Variants in TENM2 observed in about 807,000 individuals in gnomAD.
TENM2 encodes the protein teneurin-2.
In TENM2, 52 loss-of-function variants were observed where a neutral mutation model predicts 245.2. The ratio of observed to expected loss-of-function variants is 0.21; its 90% CI spans 0.17 to 0.27. TENM2 has a LOEUF of 0.27. TENM2 is among the 10% of genes least tolerant of loss of function. TENM2 has a pLI of 1.00. For missense variants in TENM2, 3,046 were observed against 3,666.8 expected (o/e 0.83, Z 4.37); for synonymous variants, 1,363 against 1,438.9 (o/e 0.95, Z 1.19).
intron 2 of TENM2, among the ~76,000 whole-genome samples, chr5:167,611,284 T>C (rs1371636251): frequency 6.6e-6 from 1 of 152,130 alleles, no homozygotes; most frequent in Non-Finnish European, 1.5e-5. Context: ...CTGCAATATA[T>C]AAAACAGATC....
At chr5:168,060,775 C>T (rs935567989) in intron 6 of TENM2, among the ~76,000 whole-genome samples, 3 of 152,098 alleles carry the variant, frequency 2.0e-5, no homozygotes, top group African/African-American at 7.2e-5. Context: ...ACATGAAAGA[C>T]CTTCAGAGAC....
At chr5:167,508,753 C>A (rs1426891421) in intron 2 of TENM2, among the ~76,000 whole-genome samples, 4 of 152,152 alleles carry the variant, frequency 2.6e-5, no homozygotes, top group Non-Finnish European at 5.9e-5. Flanking sequence ...GGTCTCATAA[C>A]CCTCTCCCTC....
At chr5:167,893,219 A>G (rs1421948248) in intron 3 of TENM2, among the ~76,000 whole-genome samples, 5 of 152,166 alleles carry the variant, frequency 3.3e-5, no homozygotes, top group Non-Finnish European at 5.9e-5. Context: ...TTCAGGCCAA[A>G]GAGTTGGTAG....
intron 2 of TENM2, among the ~76,000 whole-genome samples, chr5:167,833,079 G>A (rs1458562992): frequency 6.6e-6 from 1 of 152,098 alleles, no homozygotes; most frequent in Non-Finnish European, 1.5e-5. Context: ...TACCCTTTTA[G>A]TAGAAAGGTA....
At chr5:167,898,590 C>G (rs1329604753) in intron 3 of TENM2, among the ~76,000 whole-genome samples, 1 of 152,086 alleles carries the variant, frequency 6.6e-6, no homozygotes, top group Non-Finnish European at 1.5e-5. Context: ...CATATGGAAG[C>G]AAGTGTAAGA....
At chr5:167,807,124 T>TAAAAAAAAAAAAAAAAAAAAAAAAAAAAA (rs1178739925) in intron 2 of TENM2, among the ~76,000 whole-genome samples, 4 of 49,080 alleles carry the variant, frequency 8.1e-5, no homozygotes, top group African/African-American at 3.4e-4. Context: ...GCCCCTAGGT[T>TAAAAAAAAAAAAAAAAAAAAAAAAAAAAA]AAAAAAAAAA....
the TENM2 span, among the ~76,000 whole-genome samples, chr5:167,196,526 A>ATGTGTATATATATATG: frequency 7.2e-6 from 1 of 138,124 alleles, no homozygotes; most frequent in African/African-American, 3.4e-5. Context: ...GTATATATAT[A>ATGTGTATATATATATG]TGTGTGTGTA....
intron 7 of TENM2, among the ~76,000 whole-genome samples, chr5:168,063,142 T>G (rs1790192425): frequency 6.6e-6 from 1 of 152,178 alleles, no homozygotes; most frequent in Non-Finnish European, 1.5e-5. Context: ...ATTAATTTGT[T>G]AAAATATCAC....
At chr5:167,387,088 T>G (rs1761476320) in intron 2 of TENM2, among the ~76,000 whole-genome samples, 1 of 152,188 alleles carries the variant, frequency 6.6e-6, no homozygotes, top group Non-Finnish European at 1.5e-5. Flanking sequence ...ATTTGTAGAT[T>G]GCTTTCAGCA....
At chr5:167,463,086 G>A (rs1024965922) in intron 2 of TENM2, among the ~76,000 whole-genome samples, 12 of 152,214 alleles carry the variant, frequency 7.9e-5, no homozygotes, top group African/African-American at 2.9e-4. Flanking sequence ...TGTAAGTAGA[G>A]ATAAAAATGT....
chr5:167,319,470 A>T (rs528891672), intron 1 of TENM2, among the ~76,000 whole-genome samples: 3 of 152,186 alleles, frequency 2.0e-5, no homozygotes, highest in Admixed American at 6.6e-5. Context: ...ACATTTACCC[A>T]TACAACCTAG....
chr5:167,624,979 T>C (rs1273475085), intron 2 of TENM2, among the ~76,000 whole-genome samples: 1 of 152,198 alleles, frequency 6.6e-6, no homozygotes, highest in African/African-American at 2.4e-5. Flanking sequence ...CCACTTCCTC[T>C]TCTTTAATCA....
chr5:167,494,569 A>C (rs942127758), intron 2 of TENM2, among the ~76,000 whole-genome samples: 1 of 152,112 alleles, frequency 6.6e-6, no homozygotes, highest in Non-Finnish European at 1.5e-5. Flanking sequence ...GTCCAATGCA[A>C]GAAGATTAGT....
intron 2 of TENM2, chr5:167,728,844 A>G (rs906031340): frequency 2.6e-5 from 4 of 152,250 alleles, no homozygotes; most frequent in East Asian, 3.8e-4. Context: ...AGGAGATTCA[A>G]TCAAAATAAA....
chr5:168,212,781 A>T (rs1463982703), intron 20 of TENM2, among the ~76,000 whole-genome samples: 1 of 152,154 alleles, frequency 6.6e-6, no homozygotes, highest in Non-Finnish European at 1.5e-5. Flanking sequence ...CACCAACCTC[A>T]TGTGATCTTT....
At chr5:168,066,101 G>T (rs1195524319) in intron 7 of TENM2, among the ~76,000 whole-genome samples, 1 of 152,164 alleles carries the variant, frequency 6.6e-6, no homozygotes, top group African/African-American at 2.4e-5. Context: ...TAGTGCTGAG[G>T]TTAGAAAACT....
At chr5:167,767,246 A>G (rs1763092866) in intron 2 of TENM2, among the ~76,000 whole-genome samples, 2 of 152,252 alleles carry the variant, frequency 1.3e-5, no homozygotes, top group African/African-American at 2.4e-5. Flanking sequence ...GACACATACT[A>G]CAACATGGAT....
At chr5:167,920,352 A>AAG (rs1777268008) in intron 3 of TENM2, among the ~76,000 whole-genome samples, 1 of 144,850 alleles carries the variant, frequency 6.9e-6, no homozygotes, top group African/African-American at 2.6e-5. Context: ...AAAAAAAAAG[A>AAG]AAAAAAAAAT....
At chr5:167,881,465 C>A (rs1773871202) in intron 3 of TENM2, among the ~76,000 whole-genome samples, 1 of 152,196 alleles carries the variant, frequency 6.6e-6, no homozygotes, top group Non-Finnish European at 1.5e-5. Flanking sequence ...AGTAGACACT[C>A]CGTAAGTATT....
Sources: allele counts gnomAD v4.1 joint callset (sites outside exome capture counted in the v4.1 genomes callset), GRCh38; gene constraint gnomAD v4.1.1; transcripts MANE v1.5; gene names NCBI Gene and HGNC (gene_info 2026-07-23, HGNC 2026-07-21).